The following TSHZ2 variants were observed in gnomAD, a reference collection of about 807,000 sequenced individuals.
The protein encoded by TSHZ2 is teashirt zinc finger homeobox 2, also known as teashirt homolog 2.
TSHZ2 carries 21 observed loss-of-function variants against 74.4 expected under a neutral mutation model. The ratio of observed to expected loss-of-function variants is 0.28; its 90% confidence interval spans 0.20 to 0.41. TSHZ2 has a LOEUF of 0.41. Among genes scored for constraint, TSHZ2 ranks in the 10% least tolerant of loss-of-function variants. The pLI, the probability that TSHZ2 is intolerant of heterozygous loss-of-function variation, is 1.00. For missense variants in TSHZ2, 1,244 were observed against 1,293.5 expected, an observed-to-expected ratio of 0.96 and a Z score of 0.59; for synonymous variants, 540 against 515.3, an observed-to-expected ratio of 1.05 and a Z score of -0.65.
At chr20:53,197,365 G>T (rs1236240950) in intron 1 of TSHZ2, among the ~76,000 whole-genome samples, 1 of 152,158 alleles carries the variant, frequency 6.6e-6, no homozygotes, top group Non-Finnish European at 1.5e-5. Context: ...GCATTTCTTA[G>T]GTAGGTGCGT....
intron 1 of TSHZ2, among the ~76,000 whole-genome samples, chr20:53,239,530 G>A (rs879323017): frequency 1.3e-5 from 2 of 152,158 alleles, no homozygotes; most frequent in African/African-American, 2.4e-5. Context: ...TGGGAGGGGA[G>A]GTCAAGAATC....
chr20:53,421,692 T>G (rs548127164), intron 2 of TSHZ2: 1 of 141,828 alleles, frequency 7.1e-6, no homozygotes, highest in African/African-American at 2.7e-5. Context: ...TTTTTTTTTT[T>G]TTTTTTTTTT....
intron 1 of TSHZ2, among the ~76,000 whole-genome samples, chr20:53,141,202 C>T (rs183613826): frequency 1.3e-5 from 2 of 152,172 alleles, no homozygotes; most frequent in African/African-American, 4.8e-5. Flanking sequence ...AGCTCCTGAG[C>T]AGACAGCAAA....
intron 1 of TSHZ2, among the ~76,000 whole-genome samples, chr20:53,200,068 A>G (rs566186634): frequency 6.6e-6 from 1 of 152,318 alleles, no homozygotes; most frequent in South Asian, 2.1e-4. Flanking sequence ...CAACCAATCA[A>G]TCAATCAGCA....
chr20:53,069,778 A>T (rs78298985), intron 1 of TSHZ2, among the ~76,000 whole-genome samples: 142 of 152,114 alleles, frequency 9.3e-4, no homozygotes, highest in African/African-American at 3.3e-3. Context: ...CCATTAATAC[A>T]GTGGGTTTGA....
At chr20:53,141,049 G>A (rs932988827) in intron 1 of TSHZ2, among the ~76,000 whole-genome samples, 1 of 152,186 alleles carries the variant, frequency 6.6e-6, no homozygotes, top group Non-Finnish European at 1.5e-5. Context: ...TGAGGTAGGC[G>A]GTATGGGAAT....
chr20:53,465,586 T>C (rs1985533248), intron 2 of TSHZ2, among the ~76,000 whole-genome samples: 2 of 152,086 alleles, frequency 1.3e-5, no homozygotes, highest in Admixed American at 6.6e-5. Context: ...TCTTTATTAC[T>C]ATGAAGCAGC....
At chr20:53,481,941 C>T (rs1986159129) in intron 2 of TSHZ2, among the ~76,000 whole-genome samples, 1 of 151,838 alleles carries the variant, frequency 6.6e-6, no homozygotes, top group South Asian at 2.1e-4. Context: ...TTCATCTCTA[C>T]TAAAAATACA....
At chr20:53,098,430 T>C (rs978403139) in intron 1 of TSHZ2, among the ~76,000 whole-genome samples, 1 of 152,234 alleles carries the variant, frequency 6.6e-6, no homozygotes, top group Non-Finnish European at 1.5e-5. Flanking sequence ...GTTCATTCTT[T>C]ATTCATTATT....
intron 2 of TSHZ2, among the ~76,000 whole-genome samples, chr20:53,415,284 T>G (rs1165625578): frequency 6.6e-6 from 1 of 152,222 alleles, no homozygotes; most frequent in Non-Finnish European, 1.5e-5. Context: ...TGTAGTCTAA[T>G]GAATGTCTTA....
At chr20:53,204,101 A>T in intron 1 of TSHZ2, among the ~76,000 whole-genome samples, 1 of 99,684 alleles carries the variant, frequency 1.0e-5, no homozygotes, top group Admixed American at 1.1e-4. Context: ...ATATGATGAT[A>T]TGATATACTA....
intron 2 of TSHZ2, chr20:53,400,251 AT>A (rs1481407060): frequency 6.6e-6 from 1 of 152,042 alleles, no homozygotes; most frequent in Non-Finnish European, 1.5e-5. Flanking sequence ...ATGTCATTTT[AT>A]TTTTCTTTTT....
At chr20:53,020,729 G>A (rs1053060433) in intron 1 of TSHZ2, among the ~76,000 whole-genome samples, 1 of 152,188 alleles carries the variant, frequency 6.6e-6, no homozygotes, top group Non-Finnish European at 1.5e-5. Context: ...AAAGACCAGG[G>A]ATAGCCTCAG....
At chr20:53,236,342 C>T (rs1989937947) in intron 1 of TSHZ2, among the ~76,000 whole-genome samples, 1 of 152,196 alleles carries the variant, frequency 6.6e-6, no homozygotes, top group Non-Finnish European at 1.5e-5. Flanking sequence ...TGTTTGCTTA[C>T]TCTCTGGATG....
intron 1 of TSHZ2, among the ~76,000 whole-genome samples, chr20:53,015,447 AC>A (rs1983000794): frequency 6.6e-6 from 1 of 152,070 alleles, no homozygotes; most frequent in South Asian, 2.1e-4. Context: ...TACACAGAAC[AC>A]CCCCAACTAC....
chr20:53,223,902 C>T (rs1249264185), intron 1 of TSHZ2, among the ~76,000 whole-genome samples: 25 of 119,612 alleles, frequency 2.1e-4, no homozygotes, highest in Non-Finnish European at 3.9e-5. Flanking sequence ...GGACTAAACA[C>T]ACACACACAC....
At chr20:52,989,641 A>G (rs1981902329) in intron 1 of TSHZ2, among the ~76,000 whole-genome samples, 1 of 152,190 alleles carries the variant, frequency 6.6e-6, no homozygotes, top group South Asian at 2.1e-4. Flanking sequence ...CATACTCAGA[A>G]CAACGCTTGG....
chr20:53,012,368 G>A (rs1373909526), intron 1 of TSHZ2, among the ~76,000 whole-genome samples: 1 of 152,136 alleles, frequency 6.6e-6, no homozygotes, highest in African/African-American at 2.4e-5. Context: ...TCGCTACTCA[G>A]AATGTGGTCC....
intron 1 of TSHZ2, among the ~76,000 whole-genome samples, chr20:53,032,453 G>T (rs1215692194): frequency 1.3e-5 from 2 of 152,102 alleles, no homozygotes; most frequent in African/African-American, 4.8e-5. Flanking sequence ...AATAATCTTG[G>T]GACATAAACT....
Sources: allele counts gnomAD v4.1 joint callset (sites outside exome capture counted in the v4.1 genomes callset), GRCh38; gene constraint gnomAD v4.1.1; transcripts MANE v1.5; gene names NCBI Gene and HGNC (gene_info 2026-07-23, HGNC 2026-07-21).